ASAP1: variants seen among roughly 807,000 people sequenced by gnomAD.
ASAP1 encodes the protein arf-GAP with SH3 domain, ANK repeat and PH domain-containing protein 1.
A neutral mutation model predicts 145.2 loss-of-function variants in ASAP1; 43 were observed. That is an observed-to-expected ratio of 0.30 (90% confidence interval 0.23 to 0.38). ASAP1 has a LOEUF of 0.38. Among genes scored for constraint, ASAP1 ranks in the 10% least tolerant of loss-of-function variants. The pLI is 1.00. For synonymous variants in ASAP1, 546 were observed against 515.5 expected (o/e 1.06, Z -0.80); for missense variants, 1,018 against 1,355.3 (o/e 0.75, Z 3.91).
Position 130,179,727 on chromosome 8 carries a change from T to C in ASAP1, c.661-378A>G, listed in dbSNP as rs140630133. Among the ~76,000 whole-genome samples the C allele has an allele frequency of 2.8e-3, 428 of 152,152 alleles. 4 individuals carry two copies. In the Middle Eastern group the frequency reaches 0.037, roughly 13 times the overall value. ...AGCATTCTCATCAAAGAATATACCA[T>C]AGGATATTGAAACTTTAGGAAAAAG... is the stretch of plus-strand genomic sequence containing the variant. On this transcript the variant is annotated intron_variant, in intron 8 of 29. Transcript: ENST00000518721.
At chr8:130,099,700 T>TTTTTTTG (rs35874860) in intron 24 of ASAP1, among the ~76,000 whole-genome samples, 50 of 125,148 alleles carry the variant, frequency 4.0e-4, no homozygotes, top group Non-Finnish European at 5.4e-4. Flanking sequence ...TTTTTTTTTT[T>TTTTTTTG]GAGACAGAGT....
At chr8:130,181,514 T>G (rs777964142) in intron 7 of ASAP1, among the ~76,000 whole-genome samples, 4 of 152,212 alleles carry the variant, frequency 2.6e-5, no homozygotes, top group African/African-American at 4.8e-5. Flanking sequence ...ATGCACAAAA[T>G]TTAGTCAAAG....
At chr8:130,161,941 C>G (rs2097670052) in intron 11 of ASAP1, among the ~76,000 whole-genome samples, 1 of 152,104 alleles carries the variant, frequency 6.6e-6, no homozygotes, top group Non-Finnish European at 1.5e-5. Context: ...GCTGGGACTA[C>G]AGGTGTGTGC....
intron 3 of ASAP1, among the ~76,000 whole-genome samples, chr8:130,286,226 T>G (rs1474013116): frequency 6.6e-6 from 1 of 152,200 alleles, no homozygotes; most frequent in Non-Finnish European, 1.5e-5. Context: ...ATTGCACTGT[T>G]TCTTATAAAA....
intron 4 of ASAP1, among the ~76,000 whole-genome samples, chr8:130,233,391 A>C (rs886584179): frequency 6.6e-6 from 1 of 152,178 alleles, no homozygotes; most frequent in African/African-American, 2.4e-5. Flanking sequence ...ACAAATACAG[A>C]GTACCTGTAA....
At chr8:130,425,848 C>T (rs2138737713) in intron 1 of ASAP1, among the ~76,000 whole-genome samples, 1 of 152,306 alleles carries the variant, frequency 6.6e-6, no homozygotes, top group Middle Eastern at 3.4e-3. Flanking sequence ...CTCCCAATCT[C>T]CCTACAATGG....
intron 1 of ASAP1, among the ~76,000 whole-genome samples, chr8:130,437,555 T>C (rs952356781): frequency 1.3e-5 from 2 of 152,184 alleles, no homozygotes; most frequent in African/African-American, 4.8e-5. Context: ...AGAGAACAAC[T>C]ATAATGGAAT....
chr8:130,419,955 C>CTT (rs565548652), intron 1 of ASAP1, among the ~76,000 whole-genome samples: 3 of 130,846 alleles, frequency 2.3e-5, no homozygotes, highest in Non-Finnish European at 3.4e-5. Flanking sequence ...CCTTCTTCTT[C>CTT]TTTTTTTTTT....
At chr8:130,267,362 T>C (rs2137038529) in intron 3 of ASAP1, among the ~76,000 whole-genome samples, 1 of 152,304 alleles carries the variant, frequency 6.6e-6, no homozygotes, top group South Asian at 2.1e-4. Context: ...TGTTGTGATA[T>C]AATACTGACA....
intron 9 of ASAP1, among the ~76,000 whole-genome samples, chr8:130,178,668 G>C (rs72722365): frequency 6.6e-6 from 1 of 152,050 alleles, no homozygotes; most frequent in Non-Finnish European, 1.5e-5. Flanking sequence ...GGTGGATCGC[G>C]AGGTCAGGAG....
intron 3 of ASAP1, among the ~76,000 whole-genome samples, chr8:130,325,953 A>G (rs1824300037): frequency 6.6e-6 from 1 of 152,234 alleles, no homozygotes; most frequent in South Asian, 2.1e-4. Flanking sequence ...TATTGTCTTC[A>G]CAATGATGTT....
intron 24 of ASAP1, among the ~76,000 whole-genome samples, chr8:130,110,783 A>G (rs2097545402): frequency 6.6e-6 from 1 of 152,228 alleles, no homozygotes; most frequent in Non-Finnish European, 1.5e-5. Flanking sequence ...TCAATAGAGA[A>G]TAAGCTCTGA....
intron 3 of ASAP1, among the ~76,000 whole-genome samples, chr8:130,297,578 C>G (rs955041869): frequency 6.6e-6 from 1 of 152,234 alleles, no homozygotes; most frequent in African/African-American, 2.4e-5. Flanking sequence ...CTGTAATCTA[C>G]AGAAGTGCAG....
In ASAP1 at chr8:130,128,030, C is replaced by A; in HGVS notation, c.1278G>T (p.Glu426Asp). Residue 426 changes from glutamate (E) to aspartate (D), a missense_variant, in exon 16 of 30, where the codon GAG (glutamate) becomes GAT (aspartate). Physicochemically the swap from Glu to Asp is conservative, Grantham distance 45 (BLOSUM62 2). This residue lies in a region of ASAP1 where 153 missense variants were observed against 221.6 expected (regional missense o/e 0.69). Transcript: ENST00000518721. ...CCAGGCTGTTCTCTCCCGCACTCTG[C>A]TCTCCACGGAAGGCCATGGTTAGGG... ...EEALTMAFRG[E>D]QSAGENSLED... The A allele has an allele frequency of 6.2e-7, 1 of 1,613,878 alleles. No homozygotes were observed. Among genetic ancestry groups the A allele is most frequent in the Non-Finnish European group, 8.5e-7 (1 of 1,179,942 alleles).
At chr8:130,356,861 T>TA (rs1455856913) in intron 3 of ASAP1, among the ~76,000 whole-genome samples, 1 of 152,140 alleles carries the variant, frequency 6.6e-6, no homozygotes, top group African/African-American at 2.4e-5. Flanking sequence ...TTCCCCATAT[T>TA]ACAGAGGTCC....
intron 3 of ASAP1, among the ~76,000 whole-genome samples, chr8:130,271,221 A>G (rs2137074385): frequency 6.6e-6 from 1 of 152,266 alleles, no homozygotes; most frequent in African/African-American, 2.4e-5. Context: ...CTATACTAAC[A>G]AGTGCCTTAG....
intron 5 of ASAP1, among the ~76,000 whole-genome samples, chr8:130,190,194 G>A (rs776407271): frequency 6.6e-6 from 1 of 152,200 alleles, no homozygotes; most frequent in African/African-American, 2.4e-5. Context: ...GGTTGTCTGT[G>A]CTTTTGAGGT....
chr8:130,273,840 C>A (rs1820723939), intron 3 of ASAP1, among the ~76,000 whole-genome samples: 2 of 152,280 alleles, frequency 1.3e-5, no homozygotes, highest in South Asian at 4.1e-4. Flanking sequence ...CTGGTAACAT[C>A]CGCCACATAG....
At chr8:130,330,425 CCGG>C (rs1824609303) in intron 3 of ASAP1, among the ~76,000 whole-genome samples, 5 of 152,264 alleles carry the variant, frequency 3.3e-5, no homozygotes, top group African/African-American at 1.2e-4. Flanking sequence ...ACAGCTCTGA[CCGG>C]TCTATGCTAT....
Sources: gnomAD v4.1 joint callset for allele counts (sites outside exome capture counted in the v4.1 genomes callset) on GRCh38, gnomAD v4.1.1 for gene constraint, gnomAD v4.1.1 regional missense constraint, MANE v1.5 for transcripts, NCBI Gene and HGNC (gene_info 2026-07-23, HGNC 2026-07-21) for gene names.